PPP2R2C: variants seen among roughly 807,000 people sequenced by gnomAD.
PPP2R2C encodes protein phosphatase 2 regulatory subunit Bgamma, also known as protein phosphatase 2, regulatory subunit B, gamma.
Under a neutral mutation model 45.3 loss-of-function variants are expected in PPP2R2C, and 10 were observed. The observed-to-expected ratio is 0.22, with a 90% CI of 0.14 to 0.37. The LOEUF (loss-of-function observed/expected upper bound fraction) is 0.37. Among genes scored for constraint, PPP2R2C ranks in the 10% least tolerant of loss-of-function variants. The pLI is 1.00. For missense variants in PPP2R2C, 308 were observed against 619.7 expected (o/e 0.50, Z 5.34); for synonymous variants, 257 against 245.4 (o/e 1.05, Z -0.44).
At chr4:6,487,146 CCT>C (rs1316840891) in intron 2 of PPP2R2C, among the ~76,000 whole-genome samples, 2 of 151,960 alleles carry the variant, frequency 1.3e-5, no homozygotes, top group Non-Finnish European at 2.9e-5. Context: ...TCTATTCTCC[CCT>C]CTCAGCCTTT....
Position 6,472,258 on chromosome 4 carries a change from G to A in PPP2R2C, c.-29C>T. 2.5e-6 allele frequency: 4 copies of A among 1,610,822 alleles called. No homozygotes were observed. Among genetic ancestry groups the A allele is most frequent in the Non-Finnish European group, 2.5e-6 (3 of 1,178,600 alleles). ...AGGCCGTGCCCGGTGCTCTGGGCAT[G>A]CCCCGCCGCCACACACCGATGCAAT... is the stretch of plus-strand genomic sequence containing the variant. On this transcript the variant is annotated 5_prime_UTR_variant, in exon 1 of 9. Transcript: ENST00000382599.
chr4:6,465,972 A>G (rs1183647610), intron 1 of PPP2R2C, among the ~76,000 whole-genome samples: 1 of 152,212 alleles, frequency 6.6e-6, no homozygotes, highest in Non-Finnish European at 1.5e-5. Context: ...AATCATTTTC[A>G]GTGTCAGCGA....
At chr4:6,410,703 C>A (rs1429921524) in intron 1 of PPP2R2C, among the ~76,000 whole-genome samples, 2 of 151,954 alleles carry the variant, frequency 1.3e-5, no homozygotes, top group Non-Finnish European at 2.9e-5. Context: ...GAAGCCCATC[C>A]CTGCCACTTA....
rs1190542476 is a variant in PPP2R2C, at chr4:6,329,343, T to G, written c.971A>C (p.Tyr324Ser). ...RPIETYQVHD[Y>S]LRSKLCSLYE... ...CAGGGAACAGAGCTTGCTCCGAAGG[T>G]AGTCATGGACCTGGTGGGATAAGGG... is the stretch of plus-strand genomic sequence containing the variant. Residue 324 changes from tyrosine (Y) to serine (S), a missense_variant, in exon 8 of 9, where the codon TAC becomes TCC. Coordinates refer to ENST00000382599, the MANE Select transcript of PPP2R2C (RefSeq NM_020416.4). This position sits in a 1 kb window ranked among gnomAD's most constrained non-coding sequence, Gnocchi z 5.8. 1.2e-6 allele frequency: 2 copies of G among 1,613,972 alleles called. No individual in the cohort carries two copies.
At chr4:6,551,101 T>C (rs138670312) in intron 1 of PPP2R2C, among the ~76,000 whole-genome samples, 1 of 152,340 alleles carries the variant, frequency 6.6e-6, no homozygotes, top group Non-Finnish European at 1.5e-5. Flanking sequence ...CTCCCACAGG[T>C]TAGCTCAGCA....
At chr4:6,545,931 G>A (rs1724965649) in intron 1 of PPP2R2C, among the ~76,000 whole-genome samples, 1 of 152,156 alleles carries the variant, frequency 6.6e-6, no homozygotes. Flanking sequence ...AGCTATGGAA[G>A]GCAATGCCCC....
intron 2 of PPP2R2C, among the ~76,000 whole-genome samples, chr4:6,510,420 A>G (rs1723386180): frequency 6.6e-6 from 1 of 152,030 alleles, no homozygotes; most frequent in African/African-American, 2.4e-5. Flanking sequence ...TCCAGCCTCA[A>G]ATGGCCTTTC....
chr4:6,435,481 G>C (rs1719847200), intron 1 of PPP2R2C, among the ~76,000 whole-genome samples: 1 of 152,134 alleles, frequency 6.6e-6, no homozygotes, highest in Non-Finnish European at 1.5e-5. Context: ...ATTTTCATCT[G>C]ATTTATGGCA....
At chr4:6,377,255 G>T (rs965917376) in intron 3 of PPP2R2C, among the ~76,000 whole-genome samples, 2 of 152,224 alleles carry the variant, frequency 1.3e-5, no homozygotes, top group Admixed American at 6.5e-5. Context: ...TTCTCAGGGG[G>T]TTGAGTGGGC....
chr4:6,366,094 T>C (rs903249057), intron 5 of PPP2R2C, among the ~76,000 whole-genome samples: 7 of 152,360 alleles, frequency 4.6e-5, no homozygotes, highest in African/African-American at 9.6e-5. Context: ...GAACCAATCT[T>C]AAATGTTTGA....
chr4:6,370,913 G>A (rs1163524109), intron 5 of PPP2R2C, among the ~76,000 whole-genome samples: 3 of 152,194 alleles, frequency 2.0e-5, no homozygotes, highest in Non-Finnish European at 4.4e-5. Flanking sequence ...AGCCTTCAAA[G>A]CAGCTCAGGT....
At chr4:6,404,383 C>T (rs917649772) in intron 1 of PPP2R2C, among the ~76,000 whole-genome samples, 1 of 152,206 alleles carries the variant, frequency 6.6e-6, no homozygotes, top group Non-Finnish European at 1.5e-5. Flanking sequence ...TACTCCTACC[C>T]TATCTCGCCA....
intron 1 of PPP2R2C, among the ~76,000 whole-genome samples, chr4:6,438,352 G>A (rs1719991584): frequency 6.6e-6 from 1 of 152,184 alleles, no homozygotes; most frequent in Non-Finnish European, 1.5e-5. Flanking sequence ...ACTAATGGCT[G>A]AACATCAAGC....
intron 2 of PPP2R2C, among the ~76,000 whole-genome samples, chr4:6,486,696 G>A (rs978029502): frequency 1.4e-4 from 22 of 152,060 alleles, no homozygotes; most frequent in Admixed American, 4.6e-4. Flanking sequence ...GTTAGTTAAC[G>A]CAATATATCT....
intron 1 of PPP2R2C, among the ~76,000 whole-genome samples, chr4:6,387,023 T>A (rs1431603031): frequency 6.6e-6 from 1 of 152,112 alleles, no homozygotes; most frequent in East Asian, 1.9e-4. Context: ...AACTTGAAGA[T>A]GATTTCAATA....
rs867715963 is a variant in PPP2R2C at position 6,511,797 on chromosome 4, G to A, written c.49+23474C>T. Among the ~76,000 whole-genome samples the A allele has an allele frequency of 2.3e-3, 149 of 63,788 alleles. 3 individuals carry two copies. Among genetic ancestry groups the A allele is most frequent in the African/African-American group, 7.1e-3 (132 of 18,692 alleles). The allele number at this position is 63,788 out of a possible 152,430, so 41.8% of individuals were successfully genotyped here. ...TGGTGGTAATGGTGGTGGTGATGGTGATGGTGGTGTTGGTGGTGGTGATGG... is the reference window on the plus strand; with the variant it reads ...TGGTGGTAATGGTGGTGGTGATGGTAATGGTGGTGTTGGTGGTGGTGATGG... On this transcript the variant is annotated intron_variant, in intron 2 of 9. Transcript: ENST00000506140.
Position 6,329,669 on chromosome 4 carries a change from C to T in PPP2R2C, c.961-316G>A, listed in dbSNP as rs1356527015. The stretch of plus-strand genomic sequence containing the variant: ...CGTGACACAGCCCAATACAGCCCTG[C>T]TCATCTTATCGGGGGCCCACGACCA... On this transcript the variant is annotated intron_variant, in intron 7 of 8. Transcript: ENST00000382599. This position sits in a 1 kb window ranked among gnomAD's most constrained non-coding sequence, Gnocchi z 5.8. Among the ~76,000 whole-genome samples, 1 of 151,216 alleles carries T rather than the reference C, an allele frequency of 6.6e-6. No individual in the cohort carries two copies. Among genetic ancestry groups the T allele is most frequent in the Non-Finnish European group, 1.5e-5 (1 of 67,934 alleles).
At chr4:6,470,483 G>A (rs889549183) in intron 1 of PPP2R2C, among the ~76,000 whole-genome samples, 2 of 152,136 alleles carry the variant, frequency 1.3e-5, no homozygotes, top group Non-Finnish European at 2.9e-5. Flanking sequence ...CGAGCCCTGC[G>A]CCCCATCCCA....
At chr4:6,548,290 C>T (rs1725062681) in intron 1 of PPP2R2C, among the ~76,000 whole-genome samples, 1 of 152,130 alleles carries the variant, frequency 6.6e-6, no homozygotes, top group Non-Finnish European at 1.5e-5. Context: ...ATGGCTAACA[C>T]TCAGCCTCTC....
Sources: gnomAD v4.1 joint callset for allele counts (sites outside exome capture counted in the v4.1 genomes callset) on GRCh38, gnomAD v4.1.1 for gene constraint, Gnocchi (gnomAD v3.1) non-coding constraint, MANE v1.5 for transcripts, NCBI Gene and HGNC (gene_info 2026-07-23, HGNC 2026-07-21) for gene names.